The following PFKFB4 variants were observed in gnomAD, a reference collection of about 807,000 sequenced individuals.
The protein encoded by PFKFB4 is 6-phosphofructo-2-kinase/fructose-2,6-biphosphatase 4.
PFKFB4 carries 42 observed loss-of-function variants against 62.8 expected under a neutral mutation model. That is an observed-to-expected ratio of 0.67 (90% CI 0.52 to 0.86). The LOEUF (loss-of-function observed/expected upper bound fraction) is 0.86. Ranked by LOEUF, PFKFB4 falls within the 40% of genes least tolerant of loss-of-function variation. PFKFB4 has a pLI of 0.00. For synonymous variants in PFKFB4, 204 were observed against 240.7 expected (o/e 0.85, Z 1.41); for missense variants, 475 against 627.2 (o/e 0.76, Z 2.59).
intron 5 of PFKFB4, 187 bp downstream of exon 5, chr3:48,539,510 C>A: frequency 1.4e-6 from 1 of 692,000 alleles, no homozygotes; most frequent in Non-Finnish European, 2.5e-6. Flanking sequence ...CTCCTAGACT[C>A]TCCCACGAAA....
In PFKFB4 at chr3:48,536,025, G is replaced by A. The variant is rs564003687; in HGVS notation, c.840+231C>T. On this transcript the variant is annotated intron_variant, in intron 8 of 13. Transcript: ENST00000232375. ...TAAGGGTGGCATGCCTCTGACAAAA[G>A]GGGCTCAGTGAGTGACAGCTCACAT... Among the ~76,000 whole-genome samples the A allele has an allele frequency of 5.3e-5, 8 of 152,346 alleles. No individual in the cohort carries two copies. The South Asian group carries it at 1.0e-3, about 20-fold the overall frequency.
intron 2 of PFKFB4, 73 bp downstream of exon 2, chr3:48,550,045 G>C (rs773655831): frequency 8.5e-6 from 12 of 1,415,678 alleles, no homozygotes; most frequent in Non-Finnish European, 1.1e-5. Flanking sequence ...CCAAATAATA[G>C]AGAATAGGCC....
chr3:48,543,542 T>C (rs764717165), intron 4 of PFKFB4, 38 bp downstream of exon 4: 61 of 1,560,954 alleles, frequency 3.9e-5, no homozygotes, highest in Admixed American at 2.9e-4. Context: ...TGGGCTCCCA[T>C]GTGTCACTCC....
intron 8 of PFKFB4, 22 bp from the exon 9 acceptor site, chr3:48,535,680 C>T: frequency 1.2e-6 from 2 of 1,613,904 alleles, no homozygotes; most frequent in Non-Finnish European, 1.7e-6. Context: ...CATAAGCAAA[C>T]TCAGACCCAC....
intron 9 of PFKFB4, among the ~76,000 whole-genome samples, chr3:48,528,434 G>C (rs564390303): frequency 1.3e-5 from 2 of 152,210 alleles, no homozygotes; most frequent in African/African-American, 4.8e-5. Context: ...GGCCAAGGCA[G>C]GTAGATCTCT....
rs566458393 is a variant in PFKFB4 at position 48,521,053 on chromosome 3, C to A, written c.1350+933G>T. 6.6e-6 allele frequency among the ~76,000 whole-genome samples: 1 copy of A among 152,310 alleles called. No individual in the cohort carries two copies. Among genetic ancestry groups the A allele is most frequent in the East Asian group, 1.9e-4 (1 of 5,182 alleles). On this transcript the variant is annotated intron_variant, in intron 13 of 13. Coordinates refer to ENST00000232375, the MANE Select transcript of PFKFB4 (RefSeq NM_004567.4). The surrounding 1 kb of genome is among the most constrained non-coding windows in gnomAD (Gnocchi z 5.3). ...TCAGAGCAATGGGAAGAGAGGCCTG[C>A]AGGGTAACTGGTCCTGCTTGGGGGC...
At chr3:48,561,800 C>T (rs1207225715), upstream of PFKFB4, 1 of 152,182 alleles carries the variant, frequency 6.6e-6, no homozygotes, top group Non-Finnish European at 1.5e-5. This position sits in a 1 kb window ranked among gnomAD's most constrained non-coding sequence, Gnocchi z 5.2. Context: ...ATACACAATG[C>T]TCACAGGCTT....
At chr3:48,546,481 G>A (rs984766730) in intron 3 of PFKFB4, among the ~76,000 whole-genome samples, 18 of 152,298 alleles carry the variant, frequency 1.2e-4, no homozygotes, top group Middle Eastern at 3.4e-3. Flanking sequence ...GAACACAAGC[G>A]TATATGTGCC....
Position 48,556,630 on chromosome 3 carries a change from C to T in PFKFB4, c.97+51G>A. ...CGAGACCCCCGCCCAGGCCGCCCTA[C>T]CCACCCATCCCGGTGCACCTCCCAC... On this transcript the variant is annotated intron_variant, in intron 1 of 13. Transcript: ENST00000232375. The surrounding 1 kb of genome is among the most constrained non-coding windows in gnomAD (Gnocchi z 5.7). 1.8e-6 allele frequency: 2 copies of T among 1,107,830 alleles called. No homozygotes were observed. Among genetic ancestry groups the T allele is most frequent in the Non-Finnish European group, 2.6e-6 (2 of 764,372 alleles). 68.6% of individuals were successfully genotyped at this position (1,107,830 alleles called of 1,614,324 possible).
intron 1 of PFKFB4, among the ~76,000 whole-genome samples, chr3:48,554,820 G>A (rs976240960): frequency 1.2e-4 from 18 of 152,136 alleles, no homozygotes; most frequent in Admixed American, 2.0e-4. Context: ...GGGAGGCCAA[G>A]GGGGGCAGAT....
In PFKFB4 at chr3:48,550,137, C is replaced by A; in HGVS notation, c.195G>T (p.Trp65Cys). 1.2e-6 allele frequency: 2 copies of A among 1,613,490 alleles called. No homozygotes were observed. The highest frequency in any genetic ancestry group is 1.7e-6 in the Non-Finnish European group (2 of 1,179,348). The change falls in exon 2 of 14, where the codon TGG (tryptophan) becomes TGT (cysteine). Residue 65 changes from tryptophan (W) to cysteine (C), a missense_variant. Transcript: ENST00000232375. ...ISKKLTRYLN[W>C]IGVPTREFNV... is the part of the protein sequence containing the mutation. The stretch of plus-strand genomic sequence containing the variant: ...CCTCACCCCGAGTGGGCACACCAAT[C>A]CAGTTCAGGTATCGAGTCAGCTTCT...
At chr3:48,552,028 C>A (rs541406253) in intron 1 of PFKFB4, among the ~76,000 whole-genome samples, 2 of 152,338 alleles carry the variant, frequency 1.3e-5, no homozygotes, top group South Asian at 4.1e-4. Flanking sequence ...GACAGACTGT[C>A]CCCACCAACA....
chr3:48,542,121 C>T (rs1260646614), intron 4 of PFKFB4, among the ~76,000 whole-genome samples: 3 of 151,976 alleles, frequency 2.0e-5, no homozygotes, highest in Non-Finnish European at 2.9e-5. Context: ...CAGAGGCAGG[C>T]GGATCACGAG....
chr3:48,546,815 A>G (rs1321009647), intron 3 of PFKFB4, among the ~76,000 whole-genome samples: 1 of 152,202 alleles, frequency 6.6e-6, no homozygotes, highest in African/African-American at 2.4e-5. Context: ...TGCCTATATG[A>G]CCAGCCCCCA....
chr3:48,540,254 A>G lies in PFKFB4; in HGVS notation c.379-483T>C, dbSNP rs548835168. On this transcript the variant is annotated intron_variant, in intron 4 of 13. Transcript: ENST00000232375. Reference sequence around the variant, plus strand: ...GACAACAGGAGATGGAGACATCAACACAATTCTGTCAGAGAGATCCACGGT... The same window carrying G: ...GACAACAGGAGATGGAGACATCAACGCAATTCTGTCAGAGAGATCCACGGT... Among the ~76,000 whole-genome samples, 26 of 152,362 alleles carry G rather than the reference A, an allele frequency of 1.7e-4. No homozygotes were observed. The Middle Eastern group carries it at 0.01, about 60-fold the overall frequency.
At position 48,556,695 on chromosome 3, in the gene PFKFB4, G is replaced by A. The variant is rs1245822837; in HGVS notation, c.83C>T (p.Ala28Val). The A allele has an allele frequency of 6.3e-7, 1 of 1,591,032 alleles. No homozygotes were observed. The highest frequency in any genetic ancestry group is 1.7e-5 in the Admixed American group (1 of 58,820). Reference sequence around the variant, plus strand: ...CCCCGCCTCACCACCGCGCTGGCAAGCGTGCAGAGCGGGCCGCCCATTGCT... The same window carrying A: ...CCCCGCCTCACCACCGCGCTGGCAAACGTGCAGAGCGGGCCGCCCATTGCT... The part of the protein sequence containing the change: ...PYSNGRPALH[A>V]CQRGVCMTNC... The change falls in exon 1 of 14, where the codon GCT becomes GTT. Residue 28 changes from alanine to valine, a missense_variant. Ala to Val is a moderately conservative substitution (Grantham distance 64). Transcript: ENST00000232375. This position sits in a 1 kb window ranked among gnomAD's most constrained non-coding sequence, Gnocchi z 5.7.
In PFKFB4 at chr3:48,521,893, G is replaced by A; in HGVS notation, c.1350+93C>T. The A allele has an allele frequency of 1.9e-6, 2 of 1,051,330 alleles. No homozygotes were observed. Among genetic ancestry groups the A allele is most frequent in the Non-Finnish European group, 3.0e-6 (2 of 668,096 alleles). The allele number at this position is 1,051,330 out of a possible 1,614,324, so 65.1% of individuals were successfully genotyped here. On this transcript the variant is annotated intron_variant, in intron 13 of 13. Transcript: ENST00000232375. This position sits in a 1 kb window ranked among gnomAD's most constrained non-coding sequence, Gnocchi z 5.3. ...AGAAGACTCAAGCTCCCTCTGGCAG[G>A]TGCCGCAGCTGGGCCTGGCCCTGGA...
At chr3:48,559,898 CCACACACACACACACACA>C (rs34826551), upstream of PFKFB4, 52 of 191,746 alleles carry the variant, frequency 2.7e-4, no homozygotes, top group East Asian at 7.6e-4. Context: ...AACCATCCCA[CCACACACACACACACACA>C]CACACACACA....
At chr3:48,546,126 T>A (rs1012808234) in intron 3 of PFKFB4, among the ~76,000 whole-genome samples, 1 of 152,106 alleles carries the variant, frequency 6.6e-6, no homozygotes, top group Non-Finnish European at 1.5e-5. Flanking sequence ...AGTGTGTACA[T>A]GTAAATCTGT....
Sources: allele counts gnomAD v4.1 joint callset (sites outside exome capture counted in the v4.1 genomes callset), GRCh38; gene constraint gnomAD v4.1.1; non-coding constraint Gnocchi (gnomAD v3.1); transcripts MANE v1.5; gene names NCBI Gene and HGNC (gene_info 2026-07-23, HGNC 2026-07-21).